Variants in GRIN3B observed in about 807,000 individuals in gnomAD.
GRIN3B encodes the protein glutamate receptor ionotropic, NMDA 3B.
GRIN3B carries 77 observed loss-of-function variants against 66.0 expected under a neutral mutation model. That is an observed-to-expected ratio of 1.17 (90% CI 0.97 to 1.41). The LOEUF (loss-of-function observed/expected upper bound fraction) is 1.41. Ranked by LOEUF, GRIN3B falls within the 40% of genes most tolerant of loss-of-function variation. The probability of loss-of-function intolerance (pLI) is 0.00; values close to 1 mark genes in which losing one functional copy is unlikely to be tolerated. For missense variants in GRIN3B, 1,787 were observed against 1,564.5 expected, an observed-to-expected ratio of 1.14 and a Z score of -2.40; for synonymous variants, 823 against 749.7, an observed-to-expected ratio of 1.10 and a Z score of -1.60.
chr19:1,004,422 C>T, intron 2 of GRIN3B, 99 bp from the exon 3 acceptor site: 1 of 1,065,404 alleles, frequency 9.4e-7, no homozygotes, highest in Admixed American at 2.1e-5. Context: ...ATGATACGGA[C>T]AAGAGCGACC....
In GRIN3B at chr19:1,008,895, G is replaced by A. The variant is rs2038799441; in HGVS notation, c.2670G>A (p.Gly890=). ...CCCTCAACACGGAGCCACCAGAGGGGTCGAAGGAGGAGACGGCAGAGGCGG... is the reference window on the plus strand; with the variant it reads ...CCCTCAACACGGAGCCACCAGAGGGATCGAAGGAGGAGACGGCAGAGGCGG... ...HRALNTEPPE[G]SKEETAEAEP... The change falls in exon 8 of 9, where the codon GGG becomes GGA. Residue 890 remains glycine, a synonymous_variant. Coordinates refer to ENST00000234389, the MANE Select transcript of GRIN3B (RefSeq NM_138690.3). 6.2e-7 allele frequency: 1 copy of A among 1,610,798 alleles called. No individual in the cohort carries two copies. Among genetic ancestry groups the A allele is most frequent in the Non-Finnish European group, 8.5e-7 (1 of 1,178,910 alleles).
chr19:1,008,553 G>A (rs1162409878), intron 6 of GRIN3B, 65 bp from the exon 7 acceptor site: 1 of 1,548,900 alleles, frequency 6.5e-7, no homozygotes, highest in Non-Finnish European at 8.7e-7. Context: ...TTCTCCCCTA[G>A]TTCAAGGCTC....
In GRIN3B at chr19:1,007,619, C is replaced by G; in HGVS notation, c.2053-9C>G. 6.7e-7 allele frequency: 1 copy of G among 1,490,556 alleles called. No individual in the cohort carries two copies. The highest frequency in any genetic ancestry group is 8.9e-7 in the Non-Finnish European group (1 of 1,123,176). 92.3% of individuals were successfully genotyped at this position (1,490,556 alleles called of 1,614,324 possible). A position where few individuals can be genotyped will look rare whatever the true frequency, so the allele number is the denominator to read the frequency against. On this transcript the variant is annotated splice_polypyrimidine_tract_variant and intron_variant, in intron 3 of 8. Coordinates refer to ENST00000234389, the MANE Select transcript of GRIN3B (RefSeq NM_138690.3). This position sits in a 1 kb window ranked among gnomAD's most constrained non-coding sequence, Gnocchi z 4.4. ...GCAGGCAGAGGCGCTGACGGGGTCC[C>G]CCGCGCAGCTGCACCACCCGGCGCA...
In GRIN3B at chr19:1,004,522, T is replaced by A; in HGVS notation, c.1021T>A (p.Phe341Ile). ...PESPGRFLARFLANTSFQGRT... is the reference protein window; with the variant it reads ...PESPGRFLARILANTSFQGRT... ...ACACCCCCCCCGCCCTGCCCCTAGG[T>A]TCCTGGCCAACACGTCCTTCCAGGG... Residue 341 changes from phenylalanine (F) to isoleucine (I), a missense_variant and splice_region_variant, in exon 3 of 9, where the codon TTC (phenylalanine) becomes ATC (isoleucine). By Grantham distance (21) the Phe-to-Ile change is conservative (BLOSUM62 0). Coordinates refer to ENST00000234389, the MANE Select transcript of GRIN3B (RefSeq NM_138690.3). The A allele has an allele frequency of 1.6e-6, 1 of 614,360 alleles. No individual in the cohort carries two copies. The highest frequency in any genetic ancestry group is 2.8e-6 in the Non-Finnish European group (1 of 356,298). The allele number at this position is 614,360 out of a possible 1,614,324, so 38.1% of individuals were successfully genotyped here. A position where few individuals can be genotyped will look rare whatever the true frequency, so the allele number is the denominator to read the frequency against.
In GRIN3B at chr19:1,005,395, G is replaced by A. The variant is rs541884704; in HGVS notation, c.1894G>A (p.Val632Met). 3.7e-6 allele frequency: 6 copies of A among 1,613,688 alleles called. No individual in the cohort carries two copies. Among genetic ancestry groups the A allele is most frequent in the South Asian group, 2.2e-5 (2 of 91,082 alleles). Reference protein sequence around the residue: ...LCYAILFRRTVSSKTPKCPTG... With the variant: ...LCYAILFRRTMSSKTPKCPTG... ...CTACGCCATCCTCTTCAGACGCACCGTGTCCAGCAAGACGCCCAAGTGCCC... is the reference window on the plus strand; with the variant it reads ...CTACGCCATCCTCTTCAGACGCACCATGTCCAGCAAGACGCCCAAGTGCCC... Residue 632 changes from valine (V) to methionine (M), a missense_variant, in exon 3 of 9, where the codon GTG becomes ATG. Coordinates refer to ENST00000234389, the MANE Select transcript of GRIN3B (RefSeq NM_138690.3). The surrounding 1 kb of genome is among the most constrained non-coding windows in gnomAD (Gnocchi z 5.2).
chr19:1,009,586 C>CG lies in GRIN3B; in HGVS notation c.3120dup (p.Ser1041GlufsTer40), dbSNP rs2145547511. 1 of 1,439,874 alleles carries CG rather than the reference C, an allele frequency of 6.9e-7. No homozygotes were observed. The highest frequency in any genetic ancestry group is 2.8e-5 in the East Asian group (1 of 35,630). The allele number at this position is 1,439,874 out of a possible 1,614,324, so 89.2% of individuals were successfully genotyped here. On this transcript the variant is annotated frameshift_variant, in exon 9 of 9. Transcript: ENST00000234389. LOFTEE classifies it high-confidence loss of function. ...GAGGCCCCACCACACTCTGGCCGAC[C>CG]GGGGAGCCAGGAATGAGGCGGCAGC...
At position 1,008,263 on chromosome 19, in the gene GRIN3B, G is replaced by C. The variant is rs1341378599; in HGVS notation, c.2438G>C (p.Cys813Ser). 1 of 1,611,720 alleles carries C rather than the reference G, an allele frequency of 6.2e-7. No individual in the cohort carries two copies. The highest frequency in any genetic ancestry group is 1.1e-5 in the South Asian group (1 of 90,884). Reference sequence around the variant, plus strand: ...GACAAGTGGTACAAGATGGTGCCTTGCGGCAAGCGGGTCTTTGCGGTTACA... The same window carrying C: ...GACAAGTGGTACAAGATGGTGCCTTCCGGCAAGCGGGTCTTTGCGGTTACA... ...LHDKWYKMVPCGKRVFAVTET... is the reference protein window; with the variant it reads ...LHDKWYKMVPSGKRVFAVTET... The change falls in exon 6 of 9, where the codon TGC becomes TCC. Residue 813 changes from cysteine (C) to serine (S), a missense_variant. Transcript: ENST00000234389.
At chr19:1,001,628 GC>G (rs2038685472) in intron 1 of GRIN3B, among the ~76,000 whole-genome samples, 1 of 151,952 alleles carries the variant, frequency 6.6e-6, no homozygotes, top group Non-Finnish European at 1.5e-5. Flanking sequence ...CCGGACATGG[GC>G]CTGGCTGAGC....
rs981302100 is a variant in GRIN3B, at chr19:1,005,041, A to C, written c.1540A>C (p.Thr514Pro). Residue 514 changes from threonine to proline, a missense_variant, in exon 3 of 9, where the codon ACC becomes CCC. Transcript: ENST00000234389. This position sits in a 1 kb window ranked among gnomAD's most constrained non-coding sequence, Gnocchi z 5.2. ...CGGCGCCCTGCGGGACGGCCGCTGG[A>C]CCGGCCTGGTCGGGGACCTGCTGGC... ...KYGALRDGRW[T>P]GLVGDLLAGR... The C allele has an allele frequency of 6.2e-7, 1 of 1,611,464 alleles. No individual in the cohort carries two copies. Among genetic ancestry groups the C allele is most frequent in the African/African-American group, 1.3e-5 (1 of 74,858 alleles).
chr19:1,008,809 C>T (rs1339170727), intron 7 of GRIN3B, 27 bp downstream of exon 7: 4 of 1,589,090 alleles, frequency 2.5e-6, no homozygotes, highest in South Asian at 2.3e-5. Context: ...CGGCGGGCGG[C>T]CCCACCCCCC....
chr19:1,009,055 C>T, intron 8 of GRIN3B, 118 bp from the exon 9 acceptor site: 3 of 1,448,068 alleles, frequency 2.1e-6, no homozygotes, highest in South Asian at 2.7e-5. Context: ...CGGACGTGCA[C>T]ACCGTGGCTC....
chr19:1,003,678 C>T lies in GRIN3B; in HGVS notation c.975C>T (p.Asp325=), dbSNP rs1357322108. ...ALLPAPVNCG[D]LQPAGPESPG... is the part of the protein sequence containing the mutation. ...TCCCCGCCCCGGTCAACTGCGGGGACCTGCAGCCGGCCGGGCCCGAGTCCC... is the reference window on the plus strand; with the variant it reads ...TCCCCGCCCCGGTCAACTGCGGGGATCTGCAGCCGGCCGGGCCCGAGTCCC... Residue 325 remains aspartate (D), a synonymous_variant, in exon 2 of 9, where the codon GAC becomes GAT. Transcript: ENST00000234389. 1 of 1,408,098 alleles carries T rather than the reference C, an allele frequency of 7.1e-7. No homozygotes were observed. The highest frequency in any genetic ancestry group is 9.2e-7 in the Non-Finnish European group (1 of 1,088,234). The allele number at this position is 1,408,098 out of a possible 1,614,324, so 87.2% of individuals were successfully genotyped here. A position where few individuals can be genotyped will look rare whatever the true frequency, so the allele number is the denominator to read the frequency against.
In GRIN3B at chr19:1,007,079, G is replaced by T. The variant is rs965931602; in HGVS notation, c.2053-549G>T. Reference sequence around the variant, plus strand: ...GTCGAGGATGTTGATGGGGAAGGAGGCTGGGTTCGACGCTGGGCCCCAACC... The same window carrying T: ...GTCGAGGATGTTGATGGGGAAGGAGTCTGGGTTCGACGCTGGGCCCCAACC... On this transcript the variant is annotated intron_variant, in intron 3 of 8. Coordinates refer to ENST00000234389, the MANE Select transcript of GRIN3B (RefSeq NM_138690.3). This position sits in a 1 kb window ranked among gnomAD's most constrained non-coding sequence, Gnocchi z 4.4. 6.6e-6 allele frequency among the ~76,000 whole-genome samples: 1 copy of T among 152,208 alleles called. No individual in the cohort carries two copies. Among genetic ancestry groups the T allele is most frequent in the Non-Finnish European group, 1.5e-5 (1 of 68,036 alleles).
In GRIN3B at chr19:1,004,659, G is replaced by A. The variant is rs1188889825; in HGVS notation, c.1158G>A (p.Val386=). The A allele has an allele frequency of 6.3e-7, 1 of 1,599,704 alleles. No homozygotes were observed. Among genetic ancestry groups the A allele is most frequent in the Non-Finnish European group, 8.5e-7 (1 of 1,173,724 alleles). The change falls in exon 3 of 9, where the codon GTG becomes GTA. Residue 386 remains valine, a synonymous_variant. Coordinates refer to ENST00000234389, the MANE Select transcript of GRIN3B (RefSeq NM_138690.3). ...GGGGCGCCCCGGCCTGGGCCACGGT[G>A]GGCAGCTGGCGGGACGGCCAGCTGG... ...DPRGAPAWAT[V]GSWRDGQLDL...
Position 1,008,022 on chromosome 19 carries a change from G to T in GRIN3B, c.2314+51G>T, listed in dbSNP as rs768096304. On this transcript the variant is annotated intron_variant, in intron 5 of 8. Transcript: ENST00000234389. ...GCGCCGGGGTCTCTGGGGACCTCCTGGGGGCAGTGGGGAGCCACGGAGGGT... is the reference window on the plus strand; with the variant it reads ...GCGCCGGGGTCTCTGGGGACCTCCTTGGGGCAGTGGGGAGCCACGGAGGGT... 12 of 1,588,960 alleles carry T rather than the reference G, an allele frequency of 7.6e-6. No individual in the cohort carries two copies. In the Admixed American group the frequency reaches 1.2e-4, roughly 16 times the overall value.
At position 1,007,940 on chromosome 19, in the gene GRIN3B, G is replaced by A; in HGVS notation, c.2283G>A (p.Leu761=). 11 of 1,612,148 alleles carry A rather than the reference G, an allele frequency of 6.8e-6. No individual in the cohort carries two copies. Among genetic ancestry groups the A allele is most frequent in the Non-Finnish European group, 9.3e-6 (11 of 1,179,698 alleles). Residue 761 remains leucine (L), a synonymous_variant, in exon 5 of 9, where the codon CTG becomes CTA. Coordinates refer to ENST00000234389, the MANE Select transcript of GRIN3B (RefSeq NM_138690.3). This position sits in a 1 kb window ranked among gnomAD's most constrained non-coding sequence, Gnocchi z 4.4. The part of the protein sequence containing the change: ...YEVSIDADCK[L]LTVGKPFAIE... The stretch of plus-strand genomic sequence containing the variant: ...TCTCCATCGACGCCGACTGCAAACT[G>A]CTGACCGTGGGAAAGCCCTTCGCCA...
At chr19:1,009,001 G>A in intron 8 of GRIN3B, 74 bp downstream of exon 8, 4 of 1,528,606 alleles carry the variant, frequency 2.6e-6, no homozygotes, top group South Asian at 2.4e-5. Flanking sequence ...CCCCGAAGCC[G>A]GCCGCGGGGT....
At chr19:1,000,905 C>A in intron 1 of GRIN3B, 42 bp downstream of exon 1, 1 of 1,344,598 alleles carries the variant, frequency 7.4e-7, no homozygotes, top group Non-Finnish European at 9.5e-7. Flanking sequence ...GGACCCGGGG[C>A]GGGAGCGGGG....
Position 1,007,159 on chromosome 19 carries a change from C to T in GRIN3B, c.2053-469C>T, listed in dbSNP as rs11085232. Among the ~76,000 whole-genome samples the T allele has an allele frequency of 2.6e-5, 4 of 151,984 alleles. No individual in the cohort carries two copies. Among genetic ancestry groups the T allele is most frequent in the Middle Eastern group, 6.8e-3 (2 of 292 alleles). On this transcript the variant is annotated intron_variant, in intron 3 of 8. Coordinates refer to ENST00000234389, the MANE Select transcript of GRIN3B (RefSeq NM_138690.3). The surrounding 1 kb of genome is among the most constrained non-coding windows in gnomAD (Gnocchi z 4.4). ...GGGCAGTTCCCTGTGTTGCAGGTGG[C>T]GCCCCCCAGGGTTTTCGGGAGAAAC...
Sources: gnomAD v4.1 joint callset for allele counts (sites outside exome capture counted in the v4.1 genomes callset) on GRCh38, gnomAD v4.1.1 for gene constraint, Gnocchi (gnomAD v3.1) non-coding constraint, MANE v1.5 for transcripts, NCBI Gene and HGNC (gene_info 2026-07-23, HGNC 2026-07-21) for gene names.